The following USP37 variants were observed in gnomAD, a reference collection of about 807,000 sequenced individuals.
USP37 encodes ubiquitin specific peptidase 37.
A neutral mutation model predicts 124.0 loss-of-function variants in USP37; 27 were observed. That is an observed-to-expected ratio of 0.22 (90% confidence interval 0.16 to 0.30). The LOEUF is 0.30. USP37 is among the 10% of genes least tolerant of loss of function. The pLI is 1.00. For synonymous variants in USP37, 365 were observed against 388.0 expected (o/e 0.94, Z 0.70); for missense variants, 889 against 1,140.4 (o/e 0.78, Z 3.17).
intron 2 of USP37, among the ~76,000 whole-genome samples, chr2:218,561,560 A>G (rs892574608): frequency 8.6e-5 from 13 of 151,720 alleles, no homozygotes; most frequent in Non-Finnish European, 1.8e-4. Flanking sequence ...TGGGAGGCTG[A>G]GGCAAGAGAA....
chr2:218,462,326 G>A (rs747642030), intron 22 of USP37, among the ~76,000 whole-genome samples: 1 of 152,074 alleles, frequency 6.6e-6, no homozygotes, highest in Non-Finnish European at 1.5e-5. Context: ...AACAGAGCAT[G>A]ACCCTGTCTC....
rs373101458 is a variant in USP37, at chr2:218,488,314, A to T, written c.1580T>A (p.Leu527His). ...PPRSIQDSLD[L>H]FFRAEELEYS... is the part of the protein sequence containing the mutation. Reference sequence around the variant, plus strand: ...AAAGATATTATTTACCCTAAAGAAAAGATCAAGAGAATCTTGAATTGAACG... The same window carrying T: ...AAAGATATTATTTACCCTAAAGAAATGATCAAGAGAATCTTGAATTGAACG... The change falls in exon 15 of 26, where the codon CTT becomes CAT. Residue 527 changes from leucine to histidine, a missense_variant. Leu to His is a moderately conservative substitution (Grantham distance 99, BLOSUM62 -3). Around this residue, in one of 3 missense-constraint regions of USP37, gnomAD observed 504 missense variants for 714.3 expected, o/e 0.71. Coordinates refer to ENST00000258399, the MANE Select transcript of USP37 (RefSeq NM_020935.3). 4.4e-6 allele frequency: 7 copies of T among 1,591,670 alleles called. 2 individuals are homozygous for T. In the South Asian group the frequency reaches 5.7e-5, roughly 13 times the overall value.
rs536401325 is a variant in USP37 at position 218,548,236 on chromosome 2, A to G, written c.430-1145T>C. Among the ~76,000 whole-genome samples the G allele has an allele frequency of 5.3e-5, 8 of 152,238 alleles. No homozygotes were observed. In the South Asian group the frequency reaches 1.2e-3, roughly 24 times the overall value. On this transcript the variant is annotated intron_variant, in intron 6 of 25. Transcript: ENST00000258399. ...TGTTCTGTTATGCAAATACAAATCAATATTTTACTTTTTGTTATACAAACA... is the reference window on the plus strand; with the variant it reads ...TGTTCTGTTATGCAAATACAAATCAGTATTTTACTTTTTGTTATACAAACA...
intron 8 of USP37, among the ~76,000 whole-genome samples, chr2:218,544,451 A>AGAGAGT (rs1559220822): frequency 1.2e-4 from 17 of 144,800 alleles, no homozygotes; most frequent in Non-Finnish European, 2.3e-4. Context: ...AGAGAGAGAG[A>AGAGAGT]GAGAGAGAGA....
chr2:218,454,616 GT>G lies in USP37; in HGVS notation c.*313del. The stretch of plus-strand genomic sequence containing the variant: ...CTCTTTAAGGCTCCATTCATCCCGT[GT>G]GTGTGTGTGTGTGTCTGTGTGTGTG... On this transcript the variant is annotated 3_prime_UTR_variant, in exon 26 of 26. Transcript: ENST00000258399. 1 of 232,282 alleles carries G rather than the reference GT, an allele frequency of 4.3e-6. No homozygotes were observed. The highest frequency in any genetic ancestry group is 8.2e-6 in the Non-Finnish European group (1 of 121,726). 14.4% of individuals were successfully genotyped at this position (232,282 alleles called of 1,614,324 possible). A position where few individuals can be genotyped will look rare whatever the true frequency, so the allele number is the denominator to read the frequency against.
At chr2:218,534,855 A>T (rs1691532209) in intron 8 of USP37, 149 bp from the exon 9 acceptor site, 1 of 428,700 alleles carries the variant, frequency 2.3e-6, no homozygotes, top group Non-Finnish European at 4.0e-6. Flanking sequence ...TAGTCTCAAA[A>T]GGTCAATGAC....
chr2:218,497,747 C>G lies in USP37; in HGVS notation c.1268G>C (p.Gly423Ala). ...AISATAERFS[G>A]YMQNDAHEFL... The stretch of plus-strand genomic sequence containing the variant: ...ATTAATACTCACATTCTGCATATAA[C>G]CAGAGAATCTCTCTGCTGTAGCTGA... The change falls in exon 13 of 26, where the codon GGT becomes GCT. Residue 423 changes from glycine (G) to alanine (A), a missense_variant. This residue lies in a region of USP37 where 504 missense variants were observed against 714.3 expected (regional missense o/e 0.71). Coordinates refer to ENST00000258399, the MANE Select transcript of USP37 (RefSeq NM_020935.3). 2.5e-6 allele frequency: 4 copies of G among 1,614,010 alleles called. No homozygotes were observed. The highest frequency in any genetic ancestry group is 3.4e-6 in the Non-Finnish European group (4 of 1,179,980).
chr2:218,563,334 G>A (rs914295388), intron 1 of USP37, among the ~76,000 whole-genome samples: 27 of 152,158 alleles, frequency 1.8e-4, no homozygotes, highest in African/African-American at 6.5e-4. Flanking sequence ...TGCATAATGA[G>A]GGATTACAGG....
chr2:218,497,701 C>G, intron 13 of USP37, 33 bp downstream of exon 13: 1 of 1,611,380 alleles, frequency 6.2e-7, no homozygotes. Context: ...CCGTGTCAGG[C>G]CTCTGAAACG....
intron 2 of USP37, among the ~76,000 whole-genome samples, chr2:218,561,591 G>C (rs1053629738): frequency 2.0e-5 from 3 of 150,772 alleles, no homozygotes. Flanking sequence ...CCGGGAGGCA[G>C]AGGCTGCAGT....
intron 20 of USP37, among the ~76,000 whole-genome samples, chr2:218,466,616 GAAA>G (rs1351035038): frequency 6.6e-6 from 1 of 152,116 alleles, no homozygotes; most frequent in Non-Finnish European, 1.5e-5. Context: ...AGATGGGGAA[GAAA>G]AAACAGCCAT....
At chr2:218,496,094 G>C (rs949182180) in intron 13 of USP37, 144 bp from the exon 14 acceptor site, 1 of 700,018 alleles carries the variant, frequency 1.4e-6, no homozygotes, top group African/African-American at 1.9e-5. Context: ...AGGAGTTCGA[G>C]ACCAGCCCGG....
chr2:218,532,218 A>G (rs917302016), intron 9 of USP37, among the ~76,000 whole-genome samples: 1 of 152,196 alleles, frequency 6.6e-6, no homozygotes, highest in Non-Finnish European at 1.5e-5. Flanking sequence ...CTGTAATACC[A>G]GCACTTTGAG....
At position 218,530,001 on chromosome 2, in the gene USP37, C is replaced by A. The variant is rs866790492; in HGVS notation, c.818G>T (p.Arg273Ile). ...PLQSSSFYGS[R>I]AGSKEHSSGG... ...AGAAGAGTGTTCCTTGGATCCAGCT[C>A]TGCTACCATAAAAGGATGATGACTG... The change falls in exon 10 of 26, where the codon AGA (arginine) becomes ATA (isoleucine). Residue 273 changes from arginine (R) to isoleucine (I), a missense_variant. This residue lies in a region of USP37 where 374 missense variants were observed against 386.0 expected (regional missense o/e 0.97). Transcript: ENST00000258399. The A allele has an allele frequency of 6.2e-7, 1 of 1,613,468 alleles. No individual in the cohort carries two copies. The highest frequency in any genetic ancestry group is 1.3e-5 in the African/African-American group (1 of 74,856).
intron 10 of USP37, among the ~76,000 whole-genome samples, chr2:218,525,218 T>C (rs866193468): frequency 5.9e-5 from 9 of 152,236 alleles, no homozygotes; most frequent in African/African-American, 1.9e-4. Context: ...CAGTCGCTCG[T>C]GCCTGTAATC....
intron 10 of USP37, among the ~76,000 whole-genome samples, chr2:218,528,029 C>T (rs550703721): frequency 1.2e-4 from 19 of 152,070 alleles, no homozygotes; most frequent in Admixed American, 5.2e-4. Context: ...AGTGAAACCC[C>T]GTCTCCACTA....
chr2:218,540,598 C>T (rs1460294969), intron 8 of USP37, among the ~76,000 whole-genome samples: 1 of 152,170 alleles, frequency 6.6e-6, no homozygotes. Flanking sequence ...GCTATGACTA[C>T]ACCAGTGCAC....
At chr2:218,535,751 A>C (rs1447942688) in intron 8 of USP37, among the ~76,000 whole-genome samples, 1 of 151,792 alleles carries the variant, frequency 6.6e-6, no homozygotes, top group Non-Finnish European at 1.5e-5. Flanking sequence ...TCTACGCAGG[A>C]GGCTGAGGTG....
intron 3 of USP37, among the ~76,000 whole-genome samples, chr2:218,559,848 T>C (rs528210011): frequency 2.6e-5 from 4 of 152,224 alleles, no homozygotes; most frequent in South Asian, 2.1e-4. Flanking sequence ...GGCATGGTCA[T>C]GTGCTCCTGT....
Sources: gnomAD v4.1 joint callset for allele counts (sites outside exome capture counted in the v4.1 genomes callset) on GRCh38, gnomAD v4.1.1 for gene constraint, gnomAD v4.1.1 regional missense constraint, MANE v1.5 for transcripts, NCBI Gene and HGNC (gene_info 2026-07-23, HGNC 2026-07-21) for gene names.